Variants in FBXL17 observed in about 807,000 individuals in gnomAD.
FBXL17 encodes F-box and leucine rich repeat protein 17, also known as F-box/LRR-repeat protein 17.
A neutral mutation model predicts 66.2 loss-of-function variants in FBXL17; 22 were observed. The ratio of observed to expected loss-of-function variants is 0.33; its 90% confidence interval spans 0.24 to 0.47. FBXL17 has a LOEUF of 0.47. Among genes scored for constraint, FBXL17 ranks in the 20% least tolerant of loss-of-function variants. The pLI is 1.00. For missense variants in FBXL17, 878 were observed against 948.2 expected (o/e 0.93, Z 0.97); for synonymous variants, 474 against 400.5 (o/e 1.18, Z -2.19).
chr5:108,204,486 T>TA (rs1209097396), intron 5 of FBXL17, among the ~76,000 whole-genome samples: 1 of 152,020 alleles, frequency 6.6e-6, no homozygotes, highest in South Asian at 2.1e-4. Flanking sequence ...ACACCCACCC[T>TA]AAAAAAAGGT....
At chr5:108,327,956 A>C (rs1471996150) in intron 4 of FBXL17, among the ~76,000 whole-genome samples, 3 of 152,184 alleles carry the variant, frequency 2.0e-5, no homozygotes, top group Admixed American at 2.0e-4. Flanking sequence ...TATCGTCTCC[A>C]ATCTATACAT....
At chr5:107,998,905 C>T (rs1476472902) in intron 7 of FBXL17, among the ~76,000 whole-genome samples, 1 of 152,170 alleles carries the variant, frequency 6.6e-6, no homozygotes, top group Non-Finnish European at 1.5e-5. Context: ...CAACACCTTA[C>T]TCCAAACCCC....
intron 5 of FBXL17, among the ~76,000 whole-genome samples, chr5:108,211,524 G>T (rs904004912): frequency 6.6e-6 from 1 of 152,172 alleles, no homozygotes; most frequent in African/African-American, 2.4e-5. Context: ...AGGCCTGGTG[G>T]TGACAAAATC....
intron 4 of FBXL17, among the ~76,000 whole-genome samples, chr5:108,229,110 C>G (rs1435573013): frequency 1.3e-5 from 2 of 152,094 alleles, no homozygotes; most frequent in Non-Finnish European, 2.9e-5. Context: ...GTCATTTTCA[C>G]AAAATTAATT....
Position 107,928,695 on chromosome 5 carries a change from T to C in FBXL17, c.1823-47516A>G, listed in dbSNP as rs141396639. On this transcript the variant is annotated intron_variant, in intron 7 of 8. Coordinates refer to ENST00000542267, the MANE Select transcript of FBXL17 (RefSeq NM_001163315.3). ...GAAAGAGGTAGTGGTTTTAACAGGA[T>C]TATCTACTATATTATTACTATAAGC... is the stretch of plus-strand genomic sequence containing the variant. Among the ~76,000 whole-genome samples the C allele has an allele frequency of 3.7e-3, 557 of 152,176 alleles. 3 individuals carry two copies. Among genetic ancestry groups the C allele is most frequent in the African/African-American group, 0.013 (528 of 41,546 alleles).
intron 6 of FBXL17, among the ~76,000 whole-genome samples, chr5:108,144,663 T>A (rs1032033633): frequency 1.3e-5 from 2 of 152,188 alleles, no homozygotes; most frequent in Non-Finnish European, 2.9e-5. Flanking sequence ...AACTATTTCA[T>A]AAACATTCCT....
chr5:108,144,287 C>A (rs1311130835), intron 6 of FBXL17, among the ~76,000 whole-genome samples: 2 of 152,102 alleles, frequency 1.3e-5, no homozygotes, highest in Non-Finnish European at 2.9e-5. Flanking sequence ...GCTGAAAAAA[C>A]CAATTCTATA....
chr5:107,935,779 T>C (rs755109601), intron 7 of FBXL17, among the ~76,000 whole-genome samples: 1 of 151,908 alleles, frequency 6.6e-6, no homozygotes, highest in Non-Finnish European at 1.5e-5. Context: ...GTCCAATAGG[T>C]TCACAAGATC....
chr5:108,167,534 C>G (rs960465345), intron 6 of FBXL17, among the ~76,000 whole-genome samples: 90 of 152,244 alleles, frequency 5.9e-4, no homozygotes, highest in African/African-American at 2.0e-3. Context: ...CTCCTAGCTC[C>G]CACTGCAAGC....
chr5:108,054,532 C>T (rs913531095), intron 6 of FBXL17, among the ~76,000 whole-genome samples: 1 of 152,156 alleles, frequency 6.6e-6, no homozygotes, highest in Non-Finnish European at 1.5e-5. Flanking sequence ...CCTGTTTGGC[C>T]TTCTCTGCTA....
intron 4 of FBXL17, among the ~76,000 whole-genome samples, chr5:108,271,311 T>C (rs1301085983): frequency 6.6e-6 from 1 of 152,164 alleles, no homozygotes; most frequent in Admixed American, 6.5e-5. Flanking sequence ...TGTGGCAGCT[T>C]CTTATCCTCC....
At chr5:108,348,287 G>C in intron 4 of FBXL17, 112 bp downstream of exon 4, 1 of 927,028 alleles carries the variant, frequency 1.1e-6, no homozygotes, top group Non-Finnish European at 1.6e-6. Flanking sequence ...TTTTGATTAA[G>C]TAGTATTTGA....
intron 5 of FBXL17, among the ~76,000 whole-genome samples, chr5:108,196,884 CT>C (rs1458827254): frequency 6.6e-6 from 1 of 151,948 alleles, no homozygotes; most frequent in Admixed American, 6.6e-5. Context: ...AAATTCAAAA[CT>C]TTTTTTTAAG....
At chr5:108,144,936 T>C (rs1407591382) in intron 6 of FBXL17, among the ~76,000 whole-genome samples, 2 of 152,180 alleles carry the variant, frequency 1.3e-5, no homozygotes, top group African/African-American at 4.8e-5. Flanking sequence ...AACTTTTCTA[T>C]ATTTAAAAAT....
At chr5:108,094,545 TCACTC>T (rs1384211291) in intron 6 of FBXL17, among the ~76,000 whole-genome samples, 1 of 152,162 alleles carries the variant, frequency 6.6e-6, no homozygotes, top group Non-Finnish European at 1.5e-5. Flanking sequence ...TTTTTAAACT[TCACTC>T]TGCTCATTCA....
At chr5:108,076,578 C>A (rs1265030717) in intron 6 of FBXL17, among the ~76,000 whole-genome samples, 1 of 151,868 alleles carries the variant, frequency 6.6e-6, no homozygotes, top group Non-Finnish European at 1.5e-5. Flanking sequence ...AAATATATCA[C>A]CCTGAAATAT....
At chr5:107,912,546 A>C (rs1029288806) in intron 7 of FBXL17, among the ~76,000 whole-genome samples, 2 of 152,176 alleles carry the variant, frequency 1.3e-5, no homozygotes, top group Non-Finnish European at 2.9e-5. Flanking sequence ...TGTTGAATGA[A>C]GAAAGCATGT....
intron 4 of FBXL17, among the ~76,000 whole-genome samples, chr5:108,315,010 A>G (rs1205300445): frequency 1.3e-5 from 2 of 150,888 alleles, no homozygotes; most frequent in Non-Finnish European, 3.0e-5. Context: ...AAACACCATT[A>G]TTTTCACTAT....
intron 7 of FBXL17, among the ~76,000 whole-genome samples, chr5:107,930,007 C>T (rs1050892759): frequency 3.3e-5 from 5 of 152,178 alleles, no homozygotes; most frequent in Non-Finnish European, 7.3e-5. Flanking sequence ...TGTCCATCTC[C>T]ATGGCCACTG....
Sources: allele counts gnomAD v4.1 joint callset (sites outside exome capture counted in the v4.1 genomes callset), GRCh38; gene constraint gnomAD v4.1.1; transcripts MANE v1.5; gene names NCBI Gene and HGNC (gene_info 2026-07-23, HGNC 2026-07-21).